The following FANCA variants were observed in gnomAD, a reference collection of about 807,000 sequenced individuals.
The protein encoded by FANCA is FA complementation group A.
A neutral mutation model predicts 194.3 loss-of-function variants in FANCA; 236 were observed. That is an observed-to-expected ratio of 1.21 (90% CI 1.09 to 1.35). The LOEUF (loss-of-function observed/expected upper bound fraction) is 1.35, where lower values mean the gene tolerates loss of function less well. Ranked by LOEUF, FANCA falls within the 40% of genes most tolerant of loss-of-function variation. FANCA has a pLI of 0.00. For synonymous variants in FANCA, 1,014 were observed against 715.8 expected, an observed-to-expected ratio of 1.42 and a Z score of -6.65; for missense variants, 2,628 against 1,813.9, an observed-to-expected ratio of 1.45 and a Z score of -8.15.
chr16:89,770,582 C>A lies in FANCA; in HGVS notation c.2204G>T (p.Ser735Ile), dbSNP rs777472045. The change falls in exon 24 of 43, where the codon AGT becomes ATT. Residue 735 changes from serine (S) to isoleucine (I), a missense_variant. Coordinates refer to ENST00000389301, the MANE Select transcript of FANCA (RefSeq NM_000135.4). ...CCTTCACCTCTCCGGGGGAGCGACA[C>A]TGGAGGCAGCCATCAGGTTCTGACA... is the stretch of plus-strand genomic sequence containing the variant. Reference protein sequence around the residue: ...SFCQNLMAASSVAPPERQGPW... With the variant: ...SFCQNLMAASIVAPPERQGPW... The A allele has an allele frequency of 4.3e-6, 7 of 1,611,344 alleles. No individual in the cohort carries two copies. Among genetic ancestry groups the A allele is most frequent in the Admixed American group, 1.7e-5 (1 of 59,706 alleles).
chr16:89,815,052 T>C (rs531270092), intron 2 of FANCA, among the ~76,000 whole-genome samples: 11 of 152,294 alleles, frequency 7.2e-5, no homozygotes, highest in African/African-American at 2.6e-4. Flanking sequence ...CCTTTTTTTC[T>C]TTTTTGAGAG....
intron 11 of FANCA, 118 bp downstream of exon 11, chr16:89,795,788 G>A (rs1167786233): frequency 2.6e-6 from 2 of 762,938 alleles, no homozygotes. Flanking sequence ...TCTGGTTCAA[G>A]ACAGACGTAA....
rs1452688134 is a variant in FANCA at position 89,814,545 on chromosome 16, A to G, written c.258T>C (p.Tyr86=). The stretch of plus-strand genomic sequence containing the variant: ...CTATAAATGAACTAGAATGATTAGC[A>G]TAGGCCTCAGAACTGTCACAGTCAA... ...KVIDCDSSEA[Y]ANHSSSFIGS... is the part of the protein sequence containing the mutation. Residue 86 remains tyrosine (Y), a synonymous_variant, in exon 3 of 43, where the codon TAT becomes TAC. Coordinates refer to ENST00000389301, the MANE Select transcript of FANCA (RefSeq NM_000135.4). The G allele has an allele frequency of 1.9e-6, 3 of 1,613,494 alleles. No individual in the cohort carries two copies. The highest frequency in any genetic ancestry group is 1.7e-5 in the Admixed American group (1 of 60,028).
In FANCA at chr16:89,752,214, C is replaced by G. The variant is rs889786933; in HGVS notation, c.2990G>C (p.Ser997Thr). The change falls in exon 31 of 43, where the codon AGT (serine) becomes ACT (threonine). Residue 997 changes from serine to threonine, a missense_variant. Transcript: ENST00000389301. ...ALMDFHQSSR[S>T]YDHSENSDLV... is the part of the protein sequence containing the mutation. ...ATCAGAATTTTCTGAGTGGTCATAA[C>G]TCCTTGAGCTGAAATGAAAATACAA... is the stretch of plus-strand genomic sequence containing the variant. The G allele has an allele frequency of 4.3e-6, 7 of 1,613,528 alleles. No individual in the cohort carries two copies. The Admixed American group carries it at 5.0e-5, about 12-fold the overall frequency.
At chr16:89,751,806 G>A (rs1393459841) in intron 31 of FANCA, among the ~76,000 whole-genome samples, 4 of 149,356 alleles carry the variant, frequency 2.7e-5, no homozygotes, top group South Asian at 2.1e-4. Flanking sequence ...TCACTCTGTC[G>A]CCCGCCCAGG....
chr16:89,775,077 G>A (rs1325832406), intron 21 of FANCA, among the ~76,000 whole-genome samples: 2 of 151,798 alleles, frequency 1.3e-5, no homozygotes, highest in African/African-American at 4.8e-5. Context: ...GCCACAGAGC[G>A]AGACTCTGTC....
chr16:89,806,845 G>T (rs190312643), intron 6 of FANCA, among the ~76,000 whole-genome samples: 2 of 152,192 alleles, frequency 1.3e-5, no homozygotes, highest in African/African-American at 4.8e-5. Context: ...ATCATGGCCC[G>T]TTCTCAATGA....
chr16:89,808,454 T>A, intron 5 of FANCA, 87 bp from the exon 6 acceptor site: 1 of 1,381,068 alleles, frequency 7.2e-7, no homozygotes, highest in Non-Finnish European at 1.0e-6. Context: ...TCCTACAAAA[T>A]GTTCAACTTA....
chr16:89,810,734 G>T lies in FANCA; in HGVS notation c.495C>A (p.Ser165=), dbSNP rs1372581483. 3 of 1,611,922 alleles carry T rather than the reference G, an allele frequency of 1.9e-6. No individual in the cohort carries two copies. In the South Asian group the frequency reaches 3.3e-5, roughly 18 times the overall value. Residue 165 remains serine, a synonymous_variant, in exon 5 of 43, where the codon TCC becomes TCA. Transcript: ENST00000389301. ...LLAHSMFSRL[S]FCQELWKIQS... is the part of the protein sequence containing the mutation. ...GTATTTTCCATAATTCTTGACAGAAGGAAAGACGGGAGAACATACTGTGTG... is the reference window on the plus strand; with the variant it reads ...GTATTTTCCATAATTCTTGACAGAATGAAAGACGGGAGAACATACTGTGTG...
chr16:89,805,256 A>ACCCG, intron 7 of FANCA, 24 bp downstream of exon 7: 1 of 1,578,660 alleles, frequency 6.3e-7, no homozygotes, highest in South Asian at 1.1e-5. Context: ...TTACCCAAGA[A>ACCCG]CCCGCATCTT....
At position 89,740,796 on chromosome 16, in the gene FANCA, T is replaced by G; in HGVS notation, c.3828+8A>C. ...AGAGGACACCTTGGCTGGTAAGGTCTGACTTACATTTGAGGTCAGATGTGA... is the reference window on the plus strand; with the variant it reads ...AGAGGACACCTTGGCTGGTAAGGTCGGACTTACATTTGAGGTCAGATGTGA... On this transcript the variant is annotated splice_region_variant and intron_variant, in intron 38 of 42. Transcript: ENST00000389301. The G allele has an allele frequency of 6.2e-7, 1 of 1,613,122 alleles. No individual in the cohort carries two copies. The highest frequency in any genetic ancestry group is 1.1e-5 in the South Asian group (1 of 90,930).
At chr16:89,770,143 G>GC (rs1567618414) in intron 25 of FANCA, 23 bp downstream of exon 25, 2 of 1,575,388 alleles carry the variant, frequency 1.3e-6, no homozygotes, top group Admixed American at 3.8e-5. Context: ...CCCAAGGGTG[G>GC]CCCCCATGAA....
At chr16:89,739,381 C>A in intron 40 of FANCA, 92 bp from the exon 41 acceptor site, 1 of 1,585,458 alleles carries the variant, frequency 6.3e-7, no homozygotes, top group Non-Finnish European at 8.6e-7. Context: ...GGAGCAGAGG[C>A]ACAGACAACC....
chr16:89,778,796 C>A lies in FANCA; in HGVS notation c.1826+5G>T. ...AGTCATCCCCTTCTAACCGTTGCTG[C>A]ATACCTCTTCAGAGACTCTATAAAC... On this transcript the variant is annotated splice_donor_5th_base_variant and intron_variant, in intron 20 of 42. Transcript: ENST00000389301. 3 of 1,613,898 alleles carry A rather than the reference C, an allele frequency of 1.9e-6. No individual in the cohort carries two copies. The highest frequency in any genetic ancestry group is 2.5e-6 in the Non-Finnish European group (3 of 1,179,832).
chr16:89,802,968 A>T (rs1024864208), intron 8 of FANCA, among the ~76,000 whole-genome samples: 6 of 152,210 alleles, frequency 3.9e-5, no homozygotes, highest in African/African-American at 1.4e-4. Flanking sequence ...AGTAAGTTCT[A>T]ATGTTCCACA....
intron 14 of FANCA, among the ~76,000 whole-genome samples, chr16:89,787,925 G>C (rs1373131572): frequency 6.6e-6 from 1 of 151,674 alleles, no homozygotes; most frequent in Non-Finnish European, 1.5e-5. Flanking sequence ...CCAGGCTGGA[G>C]TGCAGTGGTC....
At chr16:89,816,470 C>T (rs754909679) in intron 1 of FANCA, 67 bp downstream of exon 1, 3 of 1,366,310 alleles carry the variant, frequency 2.2e-6, no homozygotes, top group African/African-American at 1.5e-5. Context: ...GGGAAGGGAT[C>T]GGGGAACCGG....
rs369884743 is a variant in FANCA at position 89,792,078 on chromosome 16, A to G, written c.1084-10T>C. ...TCAGCATCACAAAGAGCTGAAATAA[A>G]AGCATCCGCTCCCTTCAATATCCAA... is the stretch of plus-strand genomic sequence containing the variant. On this transcript the variant is annotated splice_polypyrimidine_tract_variant and intron_variant, in intron 12 of 42. Coordinates refer to ENST00000389301, the MANE Select transcript of FANCA (RefSeq NM_000135.4). 5 of 1,614,154 alleles carry G rather than the reference A, an allele frequency of 3.1e-6. No homozygotes were observed. Among genetic ancestry groups the G allele is most frequent in the Non-Finnish European group, 4.2e-6 (5 of 1,180,010 alleles).
rs1800282 is a variant in FANCA, at chr16:89,816,599, A to C, written c.17T>G (p.Val6Gly). The change falls in exon 1 of 43, where the codon GTC (valine) becomes GGC (glycine). Residue 6 changes from valine (V) to glycine (G), a missense_variant. By Grantham distance (109) the Val-to-Gly change is moderately radical (BLOSUM62 -3). Coordinates refer to ENST00000389301, the MANE Select transcript of FANCA (RefSeq NM_000135.4). MSDSW[V>G]PNSASGQDPG... ...GTCCTGGCCCGAGGCGGAGTTCGGG[A>C]CCCACGAGTCGGACATGGCCTTGGC... 1 of 1,526,028 alleles carries C rather than the reference A, an allele frequency of 6.6e-7. No homozygotes were observed. The highest frequency in any genetic ancestry group is 8.7e-7 in the Non-Finnish European group (1 of 1,144,640). 94.5% of individuals were successfully genotyped at this position (1,526,028 alleles called of 1,614,324 possible).
Sources: gnomAD v4.1 joint callset for allele counts (sites outside exome capture counted in the v4.1 genomes callset) on GRCh38, gnomAD v4.1.1 for gene constraint, MANE v1.5 for transcripts, NCBI Gene and HGNC (gene_info 2026-07-23, HGNC 2026-07-21) for gene names.